NEFM: variants seen among roughly 807,000 people sequenced by gnomAD.
The protein encoded by NEFM is neurofilament medium polypeptide.
Under a neutral mutation model 48.1 loss-of-function variants are expected in NEFM, and 16 were observed. The ratio of observed to expected loss-of-function variants is 0.33; its 90% CI spans 0.23 to 0.51. The LOEUF (loss-of-function observed/expected upper bound fraction) is 0.51. NEFM is among the 20% of genes least tolerant of loss of function. NEFM has a pLI of 0.98. For missense variants in NEFM, 1,107 were observed against 1,136.0 expected (o/e 0.97, Z 0.37); for synonymous variants, 465 against 456.9 (o/e 1.02, Z -0.23).
At position 24,918,153 on chromosome 8, in the gene NEFM, G is replaced by A; in HGVS notation, c.2298G>A (p.Lys766=). 1 of 1,551,850 alleles carries A rather than the reference G, an allele frequency of 6.4e-7. No homozygotes were observed. Among genetic ancestry groups the A allele is most frequent in the South Asian group, 1.2e-5 (1 of 84,092 alleles). ...AGAAAGAGACCAAAGAAGAGGGGAA[G>A]CCACTGCAGCAGGAGAAAGAGAAGG... is the stretch of plus-strand genomic sequence containing the variant. ...HLEKETKEEG[K]PLQQEKEKEK... is the part of the protein sequence containing the mutation. The change falls in exon 3 of 3, where the codon AAG becomes AAA. Residue 766 remains lysine (K), a synonymous_variant. Coordinates refer to ENST00000221166, the MANE Select transcript of NEFM (RefSeq NM_005382.2).
Position 24,918,787 on chromosome 8 carries a change from A to C in NEFM, c.*181A>C. On this transcript the variant is annotated 3_prime_UTR_variant, in exon 3 of 3. Coordinates refer to ENST00000221166, the MANE Select transcript of NEFM (RefSeq NM_005382.2). Reference sequence around the variant, plus strand: ...CCTCCTCAGTCTTTGGGGGATTCAAATGCATGATATTGTATGTACCTGGGA... The same window carrying C: ...CCTCCTCAGTCTTTGGGGGATTCAACTGCATGATATTGTATGTACCTGGGA... 14 of 611,092 alleles carry C rather than the reference A, an allele frequency of 2.3e-5. No homozygotes were observed. Among genetic ancestry groups the C allele is most frequent in the East Asian group, 8.7e-5 (3 of 34,494 alleles). The allele number at this position is 611,092 out of a possible 1,614,324, so 37.9% of individuals were successfully genotyped here.
At position 24,915,747 on chromosome 8, in the gene NEFM, T is replaced by G. The variant is rs2117221804; in HGVS notation, c.1205+18T>G. 2 of 1,613,946 alleles carry G rather than the reference T, an allele frequency of 1.2e-6. No homozygotes were observed. Among genetic ancestry groups the G allele is most frequent in the East Asian group, 4.5e-5 (2 of 44,852 alleles). On this transcript the variant is annotated intron_variant, in intron 2 of 2. Transcript: ENST00000221166. ...GCGTACAGGTACGATGCTTACTACG[T>G]GCGTGGCCGGAACACTAACCGCAGT...
rs778197595 is a variant in NEFM, at chr8:24,917,429, G to A, written c.1574G>A (p.Gly525Glu). The A allele has an allele frequency of 6.4e-7, 1 of 1,557,692 alleles. No individual in the cohort carries two copies. ...ATAPEVKEEE[G>E]EKEEEEGQEE... ...GCACCTGAAGTTAAAGAAGAGGAAG[G>A]GGAAAAGGAGGAAGAAGAAGGCCAG... The change falls in exon 3 of 3, where the codon GGG becomes GAG. Residue 525 changes from glycine (G) to glutamate (E), a missense_variant. This residue lies in a region of NEFM where 917 missense variants were observed against 916.4 expected (regional missense o/e 1.00). Coordinates refer to ENST00000221166, the MANE Select transcript of NEFM (RefSeq NM_005382.2).
At chr8:24,915,295 C>G in intron 1 of NEFM, 1 of 1,293,126 alleles carries the variant, frequency 7.7e-7, no homozygotes, top group Non-Finnish European at 9.9e-7. Flanking sequence ...TGGGAATGGC[C>G]AGGTCAGCCA....
At position 24,917,667 on chromosome 8, in the gene NEFM, T is replaced by G; in HGVS notation, c.1812T>G (p.Asp604Glu). The change falls in exon 3 of 3, where the codon GAT becomes GAG. Residue 604 changes from aspartate to glutamate, a missense_variant. By Grantham distance (45) the Asp-to-Glu change is conservative. This residue lies in a region of NEFM where 917 missense variants were observed against 916.4 expected (regional missense o/e 1.00). Transcript: ENST00000221166. ...EVATKEELVA[D>E]AKVEKPEKAK... ...CTACCAAGGAGGAGCTGGTGGCAGA[T>G]GCCAAGGTGGAAAAGCCAGAAAAAG... The G allele has an allele frequency of 6.2e-7, 1 of 1,613,182 alleles. No homozygotes were observed. The highest frequency in any genetic ancestry group is 8.5e-7 in the Non-Finnish European group (1 of 1,180,002).
chr8:24,915,772 T>G (rs747541164), intron 2 of NEFM, 43 bp downstream of exon 2: 1 of 1,613,600 alleles, frequency 6.2e-7, no homozygotes, highest in Non-Finnish European at 8.5e-7. Context: ...CTAACCGCAG[T>G]GCAGAGGCTG....
chr8:24,914,664 T>C lies in NEFM; in HGVS notation c.871T>C (p.Trp291Arg). Reference protein sequence around the residue: ...SDQNMHQAEEWFKCRYAKLTE... With the variant: ...SDQNMHQAEERFKCRYAKLTE... ...CCAGAATATGCACCAGGCCGAAGAG[T>C]GGTTCAAATGCCGCTACGCCAAGCT... The change falls in exon 1 of 3, where the codon TGG becomes CGG. Residue 291 changes from tryptophan (W) to arginine (R), a missense_variant. Trp to Arg is a moderately radical substitution (Grantham distance 101). Around this residue, in one of 3 missense-constraint regions of NEFM, gnomAD observed 917 missense variants for 916.4 expected, o/e 1.00. Coordinates refer to ENST00000221166, the MANE Select transcript of NEFM (RefSeq NM_005382.2). 2 of 1,612,974 alleles carry C rather than the reference T, an allele frequency of 1.2e-6. No individual in the cohort carries two copies. Among genetic ancestry groups the C allele is most frequent in the Non-Finnish European group, 1.7e-6 (2 of 1,179,780 alleles).
Position 24,914,325 on chromosome 8 carries a change from C to T in NEFM, c.532C>T (p.Leu178=). ...TCAGGTGCAGCTGGACTCGGACCACCTGGAGGAAGACATCCACCGGCTCAA... is the reference window on the plus strand; with the variant it reads ...TCAGGTGCAGCTGGACTCGGACCACTTGGAGGAAGACATCCACCGGCTCAA... ...KAQVQLDSDH[L]EEDIHRLKER... is the part of the protein sequence containing the mutation. The change falls in exon 1 of 3, where the codon CTG becomes TTG. Residue 178 remains leucine, a synonymous_variant. Transcript: ENST00000221166. 6.2e-7 allele frequency: 1 copy of T among 1,613,616 alleles called. No individual in the cohort carries two copies. Among genetic ancestry groups the T allele is most frequent in the Non-Finnish European group, 8.5e-7 (1 of 1,179,932 alleles).
chr8:24,915,517 G>A lies in NEFM; in HGVS notation c.1081-88G>A, dbSNP rs139094251. The A allele has an allele frequency of 1.1e-3, 1,772 of 1,592,832 alleles. 13 individuals are homozygous for A. The highest frequency in any genetic ancestry group is 9.4e-3 in the African/African-American group (698 of 74,638). On this transcript the variant is annotated intron_variant, in intron 1 of 2. Coordinates refer to ENST00000221166, the MANE Select transcript of NEFM (RefSeq NM_005382.2). ...GCAGAAGTGGAGGGAGACGGGAGGAGGCCAGGGGGAAGGGGTAGCAAGTGG... is the reference window on the plus strand; with the variant it reads ...GCAGAAGTGGAGGGAGACGGGAGGAAGCCAGGGGGAAGGGGTAGCAAGTGG...
At position 24,914,450 on chromosome 8, in the gene NEFM, G is replaced by A; in HGVS notation, c.657G>A (p.Glu219=). 1.2e-6 allele frequency: 2 copies of A among 1,613,830 alleles called. No individual in the cohort carries two copies. Among genetic ancestry groups the A allele is most frequent in the Non-Finnish European group, 1.7e-6 (2 of 1,180,016 alleles). ...AGGAGGCGTCGCTGGTCAAGGTGGAGCTGGACAAGAAGGTGCAGTCGCTGC... is the reference window on the plus strand; with the variant it reads ...AGGAGGCGTCGCTGGTCAAGGTGGAACTGGACAAGAAGGTGCAGTCGCTGC... ...DIEEASLVKV[E]LDKKVQSLQD... Residue 219 remains glutamate (E), a synonymous_variant, in exon 1 of 3, where the codon GAG becomes GAA. Coordinates refer to ENST00000221166, the MANE Select transcript of NEFM (RefSeq NM_005382.2).
In NEFM at chr8:24,913,823, C is replaced by T. The variant is rs769617471; in HGVS notation, c.30C>T (p.Asn10=). 6.2e-7 allele frequency: 1 copy of T among 1,610,858 alleles called. No individual in the cohort carries two copies. Among genetic ancestry groups the T allele is most frequent in the Non-Finnish European group, 8.5e-7 (1 of 1,179,196 alleles). The change falls in exon 1 of 3, where the codon AAC becomes AAT. Residue 10 remains asparagine (N), a synonymous_variant. Coordinates refer to ENST00000221166, the MANE Select transcript of NEFM (RefSeq NM_005382.2). ...GCTACACGTTGGACTCGCTGGGCAA[C>T]CCGTCCGCCTACCGGCGGGTAACCG... MSYTLDSLG[N]PSAYRRVTET... is the part of the protein sequence containing the mutation.
chr8:24,914,888 T>G lies in NEFM; in HGVS notation c.1080+15T>G, dbSNP rs1489104325. On this transcript the variant is annotated intron_variant, in intron 1 of 2. Coordinates refer to ENST00000221166, the MANE Select transcript of NEFM (RefSeq NM_005382.2). ...GCAGCTACCAGGTAGGAACCGCGGC[T>G]GCGCGGCCAGCCTGCGCCAGCGCCA... The G allele has an allele frequency of 1.3e-6, 2 of 1,573,726 alleles. No homozygotes were observed. The highest frequency in any genetic ancestry group is 4.7e-5 in the East Asian group (2 of 42,462).
In NEFM at chr8:24,917,226, A is replaced by G. The variant is rs780187567; in HGVS notation, c.1371A>G (p.Ile457Met). The change falls in exon 3 of 3, where the codon ATA (isoleucine) becomes ATG (methionine). Residue 457 changes from isoleucine (I) to methionine (M), a missense_variant. Around this residue, in one of 3 missense-constraint regions of NEFM, gnomAD observed 917 missense variants for 916.4 expected, o/e 1.00. Transcript: ENST00000221166. Reference protein sequence around the residue: ...KVQHKFVEEIIEETKVEDEKS... With the variant: ...KVQHKFVEEIMEETKVEDEKS... ...AACACAAATTTGTCGAGGAGATCAT[A>G]GAGGAAACCAAAGTGGAGGATGAGA... 3 of 1,614,198 alleles carry G rather than the reference A, an allele frequency of 1.9e-6. No individual in the cohort carries two copies. The South Asian group carries it at 3.3e-5, about 18-fold the overall frequency.
Position 24,914,652 on chromosome 8 carries a change from C to A in NEFM, c.859C>A (p.Gln287Lys). 6.2e-7 allele frequency: 1 copy of A among 1,614,220 alleles called. No individual in the cohort carries two copies. The highest frequency in any genetic ancestry group is 8.5e-7 in the Non-Finnish European group (1 of 1,180,048). ...LESHSDQNMH[Q>K]AEEWFKCRYA... Reference sequence around the variant, plus strand: ...AAGCCACTCAGACCAGAATATGCACCAGGCCGAAGAGTGGTTCAAATGCCG... The same window carrying A: ...AAGCCACTCAGACCAGAATATGCACAAGGCCGAAGAGTGGTTCAAATGCCG... The change falls in exon 1 of 3, where the codon CAG (glutamine) becomes AAG (lysine). Residue 287 changes from glutamine (Q) to lysine (K), a missense_variant. Gln to Lys is a moderately conservative substitution (Grantham distance 53). Coordinates refer to ENST00000221166, the MANE Select transcript of NEFM (RefSeq NM_005382.2).
intron 1 of NEFM, 96 bp from the exon 2 acceptor site, chr8:24,915,509 C>A: frequency 1.9e-6 from 3 of 1,569,162 alleles, no homozygotes; most frequent in Non-Finnish European, 1.7e-6. Flanking sequence ...TGGAGGGAGA[C>A]GGGAGGAGGC....
At position 24,917,737 on chromosome 8, in the gene NEFM, T is replaced by A. The variant is rs1218590229; in HGVS notation, c.1882T>A (p.Ser628Thr). 7 of 1,612,876 alleles carry A rather than the reference T, an allele frequency of 4.3e-6. No individual in the cohort carries two copies. The East Asian group carries it at 1.3e-4, about 31-fold the overall frequency. Residue 628 changes from serine to threonine, a missense_variant, in exon 3 of 3, where the codon TCT becomes ACT. Physicochemically the swap from Ser to Thr is moderately conservative, Grantham distance 58. Coordinates refer to ENST00000221166, the MANE Select transcript of NEFM (RefSeq NM_005382.2). ...ATCACCAGTGGAAGAGAAAGGCAAG[T>A]CTCCTGTGCCCAAGTCACCAGTGGA... ...PKSPVEEKGK[S>T]PVPKSPVEEK... is the part of the protein sequence containing the mutation.
Position 24,915,601 on chromosome 8 carries a change from T to C in NEFM, c.1081-4T>C, listed in dbSNP as rs1409658728. 2 of 1,613,860 alleles carry C rather than the reference T, an allele frequency of 1.2e-6. No individual in the cohort carries two copies. Among genetic ancestry groups the C allele is most frequent in the African/African-American group, 2.7e-5 (2 of 74,828 alleles). On this transcript the variant is annotated splice_polypyrimidine_tract_variant and splice_region_variant and intron_variant, in intron 1 of 2. Coordinates refer to ENST00000221166, the MANE Select transcript of NEFM (RefSeq NM_005382.2). ...TCTGGGGAGATTCTCTGTGTCTGTT[T>C]CAGGACACCATCCAGCAGCTGGAAA...
In NEFM at chr8:24,913,874, C is replaced by T. The variant is rs142635042; in HGVS notation, c.81C>T (p.Val27=). 12 of 1,610,298 alleles carry T rather than the reference C, an allele frequency of 7.5e-6. No homozygotes were observed. Among genetic ancestry groups the T allele is most frequent in the Middle Eastern group, 1.7e-4 (1 of 6,040 alleles). The change falls in exon 1 of 3, where the codon GTC becomes GTT. Residue 27 remains valine, a synonymous_variant. Transcript: ENST00000221166. ...VTETRSSFSR[V]SGSPSSGFRS... is the part of the protein sequence containing the mutation. ...AGACCCGCTCGAGCTTCAGCCGCGTCAGCGGCTCCCCGTCCAGTGGCTTCC... is the reference window on the plus strand; with the variant it reads ...AGACCCGCTCGAGCTTCAGCCGCGTTAGCGGCTCCCCGTCCAGTGGCTTCC...
rs1271535201 is a variant in NEFM at position 24,914,198 on chromosome 8, G to C, written c.405G>C (p.Ala135=). The change falls in exon 1 of 3, where the codon GCG becomes GCC. Residue 135 remains alanine (A), a synonymous_variant. Coordinates refer to ENST00000221166, the MANE Select transcript of NEFM (RefSeq NM_005382.2). ...QNKEIEAEIQ[A]LRQKQASHAQ... ...AGGAGATTGAGGCGGAGATCCAGGC[G>C]CTGCGGCAGAAGCAGGCCTCGCACG... 1 of 1,611,694 alleles carries C rather than the reference G, an allele frequency of 6.2e-7. No individual in the cohort carries two copies. Among genetic ancestry groups the C allele is most frequent in the East Asian group, 2.2e-5 (1 of 44,798 alleles).
Sources: gnomAD v4.1 joint callset for allele counts on GRCh38, gnomAD v4.1.1 for gene constraint, gnomAD v4.1.1 regional missense constraint, MANE v1.5 for transcripts, NCBI Gene and HGNC (gene_info 2026-07-23, HGNC 2026-07-21) for gene names.